Variants in SCLT1 observed in about 807,000 individuals in gnomAD.
SCLT1 encodes the protein sodium channel and clathrin linker 1.
SCLT1 carries 78 observed loss-of-function variants against 112.8 expected under a neutral mutation model. The observed-to-expected ratio is 0.69, with a 90% CI of 0.58 to 0.83. The LOEUF (loss-of-function observed/expected upper bound fraction) is 0.83. Ranked by LOEUF, SCLT1 falls within the 40% of genes least tolerant of loss-of-function variation. The pLI is 0.00. For missense variants in SCLT1, 747 were observed against 770.4 expected (o/e 0.97, Z 0.36); for synonymous variants, 257 against 254.7 (o/e 1.01, Z -0.09).
chr4:129,069,765 G>A (rs752507718), intron 2 of SCLT1, among the ~76,000 whole-genome samples: 10 of 152,014 alleles, frequency 6.6e-5, no homozygotes, highest in Non-Finnish European at 1.2e-4. Flanking sequence ...TTGTCTGATC[G>A]CTCTGGCTAG....
rs563900537 is a variant in SCLT1, at chr4:128,957,560, T to A, written c.1048-436A>T. Reference sequence around the variant, plus strand: ...TTGATCATTGCAGACACTACTTGTTTTGTCTCTTTGATGTATTTCTATAAT... The same window carrying A: ...TTGATCATTGCAGACACTACTTGTTATGTCTCTTTGATGTATTTCTATAAT... On this transcript the variant is annotated intron_variant, in intron 12 of 20. Coordinates refer to ENST00000281142, the MANE Select transcript of SCLT1 (RefSeq NM_144643.4). Among the ~76,000 whole-genome samples the A allele has an allele frequency of 4.6e-5, 7 of 152,310 alleles. No homozygotes were observed. The South Asian group carries it at 1.4e-3, about 32-fold the overall frequency.
At chr4:129,068,428 GT>G (rs1329869686) in intron 2 of SCLT1, among the ~76,000 whole-genome samples, 1 of 152,122 alleles carries the variant, frequency 6.6e-6, no homozygotes, top group East Asian at 1.9e-4. Context: ...CAGGAGTAAG[GT>G]GGTATCACGT....
intron 18 of SCLT1, among the ~76,000 whole-genome samples, chr4:128,910,862 C>A (rs1359563337): frequency 6.6e-6 from 1 of 151,756 alleles, no homozygotes; most frequent in African/African-American, 2.4e-5. Flanking sequence ...TTTCTGCATT[C>A]TGTTCAAATT....
intron 15 of SCLT1, among the ~76,000 whole-genome samples, chr4:128,946,646 C>T (rs1738192689): frequency 2.0e-5 from 3 of 152,164 alleles, no homozygotes. Flanking sequence ...AAATGTAAAG[C>T]AGCTGAAGTA....
intron 2 of SCLT1, among the ~76,000 whole-genome samples, chr4:129,057,760 C>CT (rs34612288): frequency 0.089 from 12,912 of 144,958 alleles, 706 homozygotes; most frequent in South Asian, 0.15. Context: ...TTTTTTTTTT[C>CT]TTTTTTTTTG....
intron 9 of SCLT1, among the ~76,000 whole-genome samples, chr4:128,979,176 T>C (rs997744598): frequency 6.6e-6 from 1 of 152,202 alleles, no homozygotes; most frequent in African/African-American, 2.4e-5. Context: ...ATGAGGAAAC[T>C]GAAGTCCATG....
At chr4:129,029,097 A>T (rs1321998790) in intron 5 of SCLT1, among the ~76,000 whole-genome samples, 1 of 152,142 alleles carries the variant, frequency 6.6e-6, no homozygotes, top group South Asian at 2.1e-4. Context: ...AAGTAGTTCA[A>T]CCCTTGTGGA....
Position 128,946,046 on chromosome 4 carries a change from A to T in SCLT1, c.1400T>A (p.Leu467His), listed in dbSNP as rs1738130641. 6.2e-7 allele frequency: 1 copy of T among 1,611,772 alleles called. No homozygotes were observed. Among genetic ancestry groups the T allele is most frequent in the East Asian group, 2.2e-5 (1 of 44,762 alleles). The change falls in exon 16 of 21, where the codon CTT becomes CAT. Residue 467 changes from leucine (L) to histidine (H), a missense_variant. By Grantham distance (99) the Leu-to-His change is moderately conservative. This residue lies in a region of SCLT1 where 723 missense variants were observed against 721.3 expected (regional missense o/e 1.00). Transcript: ENST00000281142. The part of the protein sequence containing the change: ...ERSKDDLQLR[L>H]TRAENRIKQL... The stretch of plus-strand genomic sequence containing the variant: ...TTTTATTCTATTTTCTGCTCTCGTA[A>T]GTCTTAGCTGAAGATCATCTTTTGA...
At chr4:128,883,599 CA>C, downstream of SCLT1, among the ~76,000 whole-genome samples, 1 of 152,108 alleles carries the variant, frequency 6.6e-6, no homozygotes, top group African/African-American at 2.4e-5. Context: ...TAACTGTTAG[CA>C]CCATTACTAA....
At position 129,003,832 on chromosome 4, in the gene SCLT1, G is replaced by T. The variant is rs1743749087; in HGVS notation, c.335C>A (p.Ala112Asp). 2 of 1,611,304 alleles carry T rather than the reference G, an allele frequency of 1.2e-6. No individual in the cohort carries two copies. Among genetic ancestry groups the T allele is most frequent in the Non-Finnish European group, 1.7e-6 (2 of 1,178,330 alleles). ...TCCTACCTCTGTGCCCAGGGGAAAG[G>T]CCTCCAATTTTTTTTCAACAGCATC... is the stretch of plus-strand genomic sequence containing the variant. ...LKDAVEKKLEAFPLGTEVGTD... is the reference protein window; with the variant it reads ...LKDAVEKKLEDFPLGTEVGTD... The change falls in exon 6 of 21, where the codon GCC becomes GAC. Residue 112 changes from alanine (A) to aspartate (D), a missense_variant. This residue lies in a region of SCLT1 where 723 missense variants were observed against 721.3 expected (regional missense o/e 1.00). Coordinates refer to ENST00000281142, the MANE Select transcript of SCLT1 (RefSeq NM_144643.4).
intron 1 of SCLT1, 111 bp from the exon 2 acceptor site, chr4:129,082,484 T>C (rs965124600): frequency 2.2e-5 from 11 of 508,210 alleles, no homozygotes; most frequent in African/African-American, 1.8e-4. Flanking sequence ...TAGTCTTCAC[T>C]GCTTCTCAAA....
At chr4:128,914,299 G>A (rs1735313736) in intron 18 of SCLT1, among the ~76,000 whole-genome samples, 1 of 151,912 alleles carries the variant, frequency 6.6e-6, no homozygotes, top group East Asian at 1.9e-4. Context: ...CCAGGAGGTG[G>A]AGATTGTAGT....
Position 128,946,023 on chromosome 4 carries a change from T to G in SCLT1, c.1423A>C (p.Lys475Gln), listed in dbSNP as rs1738128701. The G allele has an allele frequency of 6.2e-7, 1 of 1,607,416 alleles. No individual in the cohort carries two copies. Among genetic ancestry groups the G allele is most frequent in the Non-Finnish European group, 8.5e-7 (1 of 1,176,022 alleles). Residue 475 changes from lysine to glutamine, a missense_variant, in exon 16 of 21, where the codon AAA (lysine) becomes CAA (glutamine). Lys to Gln is a moderately conservative substitution (Grantham distance 53). Coordinates refer to ENST00000281142, the MANE Select transcript of SCLT1 (RefSeq NM_144643.4). ...LRLTRAENRI[K>Q]QLETDSSEEI... ...AAAACTTACTCAGTTTCAAGTTGTT[T>G]TATTCTATTTTCTGCTCTCGTAAGT... is the stretch of plus-strand genomic sequence containing the variant.
intron 5 of SCLT1, among the ~76,000 whole-genome samples, chr4:129,035,841 A>G (rs953462965): frequency 2.6e-5 from 4 of 151,410 alleles, no homozygotes; most frequent in African/African-American, 9.7e-5. Context: ...AATAATAATA[A>G]TATGTATTTT....
At chr4:128,959,909 C>G in intron 11 of SCLT1, 132 bp from the exon 12 acceptor site, 1 of 672,068 alleles carries the variant, frequency 1.5e-6, no homozygotes, top group Admixed American at 2.8e-5. Context: ...TCATTTGATA[C>G]TCATTACCCT....
intron 9 of SCLT1, among the ~76,000 whole-genome samples, chr4:128,978,213 A>G (rs778059251): frequency 1.3e-5 from 2 of 152,154 alleles, no homozygotes; most frequent in Non-Finnish European, 2.9e-5. Flanking sequence ...AAAAAATAAA[A>G]AGTTTGAAAA....
intron 11 of SCLT1, among the ~76,000 whole-genome samples, chr4:128,960,961 A>G (rs1301812350): frequency 1.4e-5 from 2 of 144,718 alleles, no homozygotes; most frequent in Non-Finnish European, 3.0e-5. Flanking sequence ...ACTCTAAATT[A>G]TAAATATTAA....
intron 6 of SCLT1, among the ~76,000 whole-genome samples, chr4:129,000,152 T>G (rs1411225027): frequency 6.6e-6 from 1 of 151,930 alleles, no homozygotes; most frequent in African/African-American, 2.4e-5. Context: ...ACAATATTTT[T>G]TTCCTGATCA....
intron 18 of SCLT1, among the ~76,000 whole-genome samples, chr4:128,906,688 C>T (rs758542426): frequency 3.8e-4 from 54 of 142,480 alleles, no homozygotes; most frequent in Non-Finnish European, 6.5e-4. Context: ...TTGTTAAGTG[C>T]TCATCTTAGA....
Sources: allele counts gnomAD v4.1 joint callset (sites outside exome capture counted in the v4.1 genomes callset), GRCh38; gene constraint gnomAD v4.1.1; regional missense constraint gnomAD v4.1.1; transcripts MANE v1.5; gene names NCBI Gene and HGNC (gene_info 2026-07-23, HGNC 2026-07-21).